Variants in UBTD1 observed in about 807,000 individuals in gnomAD.
The protein encoded by UBTD1 is ubiquitin domain containing 1, also known as ubiquitin domain-containing protein 1.
UBTD1 carries 19 observed loss-of-function variants against 21.7 expected under a neutral mutation model. The observed-to-expected ratio is 0.87, with a 90% CI of 0.61 to 1.28. The LOEUF is 1.28. UBTD1 is among the 50% of genes most tolerant of loss of function. The probability of loss-of-function intolerance (pLI) is 0.00; values close to 1 mark genes in which losing one functional copy is unlikely to be tolerated. For synonymous variants in UBTD1, 116 were observed against 135.1 expected (o/e 0.86, Z 0.98); for missense variants, 282 against 315.1 (o/e 0.89, Z 0.80).
At chr10:97,505,972 A>G (rs2040397914) in intron 1 of UBTD1, among the ~76,000 whole-genome samples, 1 of 152,246 alleles carries the variant, frequency 6.6e-6, no homozygotes, top group African/African-American at 2.4e-5. Context: ...AACGAATGAT[A>G]TGCTTCTGAG....
intron 1 of UBTD1, among the ~76,000 whole-genome samples, chr10:97,506,340 ACT>A (rs2040399598): frequency 1.3e-5 from 2 of 151,758 alleles, no homozygotes; most frequent in South Asian, 4.2e-4. Context: ...GGCTTGTGAG[ACT>A]CTAGGGCAGT....
intron 1 of UBTD1, among the ~76,000 whole-genome samples, chr10:97,545,392 GT>G (rs1156820522): frequency 1.3e-3 from 80 of 60,082 alleles, no homozygotes; most frequent in African/African-American, 3.1e-3. Flanking sequence ...GGGCTCGTGT[GT>G]GTGTGTGTGT....
chr10:97,529,936 T>G (rs1214635206), intron 1 of UBTD1, among the ~76,000 whole-genome samples: 1 of 152,178 alleles, frequency 6.6e-6, no homozygotes, highest in Non-Finnish European at 1.5e-5. Flanking sequence ...CCCAGCCCCC[T>G]TGCCCTTTTG....
chr10:97,560,269 G>T (rs959330995), intron 1 of UBTD1, among the ~76,000 whole-genome samples: 12 of 151,624 alleles, frequency 7.9e-5, no homozygotes, highest in Admixed American at 5.3e-4. Context: ...TTATGTCTTT[G>T]GACTAGACTG....
chr10:97,507,503 G>A (rs1168451223), intron 1 of UBTD1, among the ~76,000 whole-genome samples: 3 of 151,784 alleles, frequency 2.0e-5, no homozygotes, highest in South Asian at 2.1e-4. Context: ...GCCTGGGCAC[G>A]GTGGCTCATG....
At chr10:97,539,594 C>CA (rs879475493) in intron 1 of UBTD1, among the ~76,000 whole-genome samples, 109 of 137,080 alleles carry the variant, frequency 8.0e-4, no homozygotes, top group Admixed American at 1.7e-3. Context: ...GGCCCCATTT[C>CA]AAAAAAAAAA....
At chr10:97,530,812 A>G (rs1316468443) in intron 1 of UBTD1, among the ~76,000 whole-genome samples, 2 of 152,082 alleles carry the variant, frequency 1.3e-5, no homozygotes, top group South Asian at 2.1e-4. Context: ...TGGGGGTGAT[A>G]GGATATAGGT....
chr10:97,522,564 T>G (rs1046638043), intron 1 of UBTD1, among the ~76,000 whole-genome samples: 1 of 152,040 alleles, frequency 6.6e-6, no homozygotes, highest in Non-Finnish European at 1.5e-5. Context: ...CATCTCAAAT[T>G]TGTGGCCAGG....
intron 1 of UBTD1, among the ~76,000 whole-genome samples, chr10:97,527,461 A>ATTTG (rs2040495060): frequency 1.3e-5 from 2 of 151,094 alleles, no homozygotes; most frequent in South Asian, 4.2e-4. Context: ...TTATTTATTT[A>ATTTG]TTTATTTATT....
intron 1 of UBTD1, among the ~76,000 whole-genome samples, chr10:97,531,516 G>T (rs2040531963): frequency 6.6e-6 from 1 of 152,180 alleles, no homozygotes; most frequent in Admixed American, 6.5e-5. Context: ...CTCTCAAAGT[G>T]CTGGAATTCC....
intron 1 of UBTD1, among the ~76,000 whole-genome samples, chr10:97,526,583 CCA>C (rs773678864): frequency 7.9e-5 from 12 of 152,200 alleles, no homozygotes; most frequent in Non-Finnish European, 1.3e-4. Flanking sequence ...AACCCACTCT[CCA>C]CATGGATTCC....
intron 1 of UBTD1, among the ~76,000 whole-genome samples, chr10:97,503,945 G>T (rs1034735199): frequency 6.6e-6 from 1 of 151,950 alleles, no homozygotes; most frequent in Non-Finnish European, 1.5e-5. Context: ...TGTCTAAAAG[G>T]CTTCCTAGTT....
intron 1 of UBTD1, among the ~76,000 whole-genome samples, chr10:97,516,618 A>G (rs1195607829): frequency 6.6e-6 from 1 of 151,636 alleles, no homozygotes; most frequent in Non-Finnish European, 1.5e-5. Context: ...TACTAAAAAT[A>G]TAAAAAATTA....
Position 97,507,392 on chromosome 10 carries a change from T to G in UBTD1, c.70+8119T>G, listed in dbSNP as rs556153904. ...TGGCCTACACCTATAATCCCAGCAC[T>G]TTGGGAGACCAAGGCAGGAGGATTG... On this transcript the variant is annotated intron_variant, in intron 1 of 2. Coordinates refer to ENST00000370664, the MANE Select transcript of UBTD1 (RefSeq NM_024954.5). Among the ~76,000 whole-genome samples, 18 of 151,680 alleles carry G rather than the reference T, an allele frequency of 1.2e-4. No homozygotes were observed. The East Asian group carries it at 3.5e-3, about 30-fold the overall frequency.
At chr10:97,537,834 T>G (rs2040570339) in intron 1 of UBTD1, among the ~76,000 whole-genome samples, 1 of 149,794 alleles carries the variant, frequency 6.7e-6, no homozygotes, top group African/African-American at 2.5e-5. Flanking sequence ...TTTTTTTTTT[T>G]TTTTTTTTTG....
chr10:97,512,538 A>G (rs183889355), intron 1 of UBTD1, among the ~76,000 whole-genome samples: 1 of 152,318 alleles, frequency 6.6e-6, no homozygotes, highest in African/African-American at 2.4e-5. Flanking sequence ...AGAAACCCAC[A>G]TGCTGTATGC....
At chr10:97,529,413 G>A (rs1448007740) in intron 1 of UBTD1, among the ~76,000 whole-genome samples, 1 of 152,222 alleles carries the variant, frequency 6.6e-6, no homozygotes, top group African/African-American at 2.4e-5. Flanking sequence ...CAAGGCAGGC[G>A]GCTGGGAGGT....
intron 1 of UBTD1, among the ~76,000 whole-genome samples, chr10:97,519,168 G>T (rs1176684000): frequency 6.6e-6 from 1 of 152,190 alleles, no homozygotes; most frequent in Non-Finnish European, 1.5e-5. Context: ...CGTGCTCAAA[G>T]GAGACCTCAT....
intron 1 of UBTD1, among the ~76,000 whole-genome samples, chr10:97,528,216 G>A (rs1371939890): frequency 8.1e-3 from 683 of 84,008 alleles, no homozygotes; most frequent in East Asian, 0.011. Context: ...GGCTGGCCGG[G>A]CAGAGGGGCT....
Sources: gnomAD v4.1 joint callset for allele counts (sites outside exome capture counted in the v4.1 genomes callset) on GRCh38, gnomAD v4.1.1 for gene constraint, MANE v1.5 for transcripts, NCBI Gene and HGNC (gene_info 2026-07-23, HGNC 2026-07-21) for gene names.